The following NCAM2 variants were observed in gnomAD, a reference collection of about 807,000 sequenced individuals.
The protein encoded by NCAM2 is N-CAM-2.
Under a neutral mutation model 98.1 loss-of-function variants are expected in NCAM2, and 30 were observed. The ratio of observed to expected loss-of-function variants is 0.31; its 90% CI spans 0.23 to 0.41. NCAM2 has a LOEUF of 0.41. Among genes scored for constraint, NCAM2 ranks in the 10% least tolerant of loss-of-function variants. The pLI, the probability that NCAM2 is intolerant of heterozygous loss-of-function variation, is 1.00. For synonymous variants in NCAM2, 368 were observed against 342.4 expected (o/e 1.07, Z -0.83); for missense variants, 867 against 1,005.8 (o/e 0.86, Z 1.87).
chr21:21,272,321 T>A (rs1277697218), intron 1 of NCAM2, among the ~76,000 whole-genome samples: 1 of 152,150 alleles, frequency 6.6e-6, no homozygotes, highest in Non-Finnish European at 1.5e-5. Flanking sequence ...GTCACTAGTG[T>A]TGGACTGGTA....
chr21:21,221,092 GA>G (rs375385547), intron 1 of NCAM2, among the ~76,000 whole-genome samples: 64 of 152,184 alleles, frequency 4.2e-4, no homozygotes, highest in African/African-American at 1.4e-3. Flanking sequence ...AGTGATCTTT[GA>G]AGATAAAATT....
At chr21:21,245,287 A>G (rs1238565730) in intron 1 of NCAM2, among the ~76,000 whole-genome samples, 2 of 152,176 alleles carry the variant, frequency 1.3e-5, no homozygotes, top group African/African-American at 4.8e-5. Context: ...CAGATAATTA[A>G]TGGCTAACTC....
At chr21:21,397,488 C>G (rs1315991079) in intron 9 of NCAM2, among the ~76,000 whole-genome samples, 1 of 152,160 alleles carries the variant, frequency 6.6e-6, no homozygotes, top group Non-Finnish European at 1.5e-5. Flanking sequence ...TAGCAGGGGT[C>G]TGGTGTGTCA....
chr21:21,034,501 T>G (rs1467669434), intron 1 of NCAM2, among the ~76,000 whole-genome samples: 1 of 152,156 alleles, frequency 6.6e-6, no homozygotes, highest in Non-Finnish European at 1.5e-5. Context: ...CTGTAGTGAT[T>G]TCCACAGAGG....
chr21:21,325,785 G>C (rs772540359), intron 6 of NCAM2, among the ~76,000 whole-genome samples: 1 of 152,008 alleles, frequency 6.6e-6, no homozygotes, highest in Non-Finnish European at 1.5e-5. Context: ...TTATTTAACA[G>C]ATAAAGAAAG....
rs545242420 is a variant in NCAM2 at position 21,350,578 on chromosome 21, A to G, written c.1044+12044A>G. 2.6e-5 allele frequency among the ~76,000 whole-genome samples: 4 copies of G among 152,318 alleles called. No individual in the cohort carries two copies. In the East Asian group the frequency reaches 7.7e-4, roughly 29 times the overall value. On this transcript the variant is annotated intron_variant, in intron 8 of 17. Transcript: ENST00000400546. Reference sequence around the variant, plus strand: ...GATATTGAACTGTTGAACTGTGCATATGAATACAGCACAAAATAGCTTTGC... The same window carrying G: ...GATATTGAACTGTTGAACTGTGCATGTGAATACAGCACAAAATAGCTTTGC...
intron 9 of NCAM2, among the ~76,000 whole-genome samples, chr21:21,406,086 C>T (rs1041257319): frequency 1.3e-5 from 2 of 152,106 alleles, no homozygotes; most frequent in African/African-American, 2.4e-5. Context: ...TACCCTCATT[C>T]GTCAAACAGA....
chr21:21,456,943 GA>G, intron 12 of NCAM2, among the ~76,000 whole-genome samples: 1 of 152,266 alleles, frequency 6.6e-6, no homozygotes, highest in South Asian at 2.1e-4. Flanking sequence ...GGAACTGTGA[GA>G]AATTTCTCTT....
chr21:21,384,423 A>G (rs1040336376), intron 9 of NCAM2, among the ~76,000 whole-genome samples: 1 of 151,608 alleles, frequency 6.6e-6, no homozygotes, highest in Non-Finnish European at 1.5e-5. Flanking sequence ...TTCCTTTTTG[A>G]TTAATCTAGA....
At chr21:21,012,596 G>A (rs2146144532) in intron 1 of NCAM2, among the ~76,000 whole-genome samples, 1 of 152,218 alleles carries the variant, frequency 6.6e-6, no homozygotes, top group African/African-American at 2.4e-5. Context: ...CTTGTCTTCA[G>A]CAACTCAAAG....
rs189370961 is a variant in NCAM2 at position 21,020,009 on chromosome 21, T to C, written c.55+21391T>C. Among the ~76,000 whole-genome samples the C allele has an allele frequency of 3.9e-5, 6 of 152,086 alleles. No individual in the cohort carries two copies. The East Asian group carries it at 1.2e-3, about 29-fold the overall frequency. On this transcript the variant is annotated intron_variant, in intron 1 of 17. Coordinates refer to ENST00000400546, the MANE Select transcript of NCAM2 (RefSeq NM_004540.5). ...ATCCTGAATCCAGTACAAACTTCAG[T>C]TTCTTTTCTTTTTTCTTTTCCTATT...
At chr21:21,122,603 T>A (rs1466846823) in intron 1 of NCAM2, among the ~76,000 whole-genome samples, 1 of 152,210 alleles carries the variant, frequency 6.6e-6, no homozygotes, top group Non-Finnish European at 1.5e-5. Flanking sequence ...TGCTCAGCCA[T>A]CTCCAGTTAG....
At chr21:21,315,784 A>T (rs2074203086) in intron 5 of NCAM2, among the ~76,000 whole-genome samples, 2 of 152,178 alleles carry the variant, frequency 1.3e-5, no homozygotes, top group Non-Finnish European at 2.9e-5. Flanking sequence ...AAATTCTGTT[A>T]TATTTCTTAA....
At chr21:21,219,313 G>T (rs2070038868) in intron 1 of NCAM2, among the ~76,000 whole-genome samples, 1 of 152,078 alleles carries the variant, frequency 6.6e-6, no homozygotes, top group Admixed American at 6.5e-5. Context: ...TGCTTCAGCA[G>T]CAAATAGAAA....
chr21:21,030,977 G>T (rs1251814650), intron 1 of NCAM2, among the ~76,000 whole-genome samples: 1 of 152,114 alleles, frequency 6.6e-6, no homozygotes, highest in Admixed American at 6.6e-5. Context: ...AAGGGCTCAG[G>T]TGAATAGATA....
chr21:21,348,664 C>A (rs1295831174), intron 8 of NCAM2, among the ~76,000 whole-genome samples: 1 of 152,004 alleles, frequency 6.6e-6, no homozygotes, highest in Non-Finnish European at 1.5e-5. Context: ...CTGGACAAAT[C>A]ACATTACCTG....
At chr21:21,302,558 G>T (rs2073752371) in intron 5 of NCAM2, among the ~76,000 whole-genome samples, 1 of 152,038 alleles carries the variant, frequency 6.6e-6, no homozygotes, top group African/African-American at 2.4e-5. Flanking sequence ...ATGAGATACT[G>T]TCTCACACCA....
chr21:21,478,885 C>A (rs1228610542), intron 15 of NCAM2, among the ~76,000 whole-genome samples: 1 of 152,110 alleles, frequency 6.6e-6, no homozygotes, highest in African/African-American at 2.4e-5. Context: ...GATGCCCTTA[C>A]AAGATAACAC....
intron 9 of NCAM2, among the ~76,000 whole-genome samples, chr21:21,386,128 TTGAG>T (rs1463956344): frequency 6.6e-6 from 1 of 152,022 alleles, no homozygotes; most frequent in Non-Finnish European, 1.5e-5. Flanking sequence ...GTGTGCTTTA[TTGAG>T]TAATTCTTAT....
Sources: allele counts gnomAD v4.1 joint callset (sites outside exome capture counted in the v4.1 genomes callset), GRCh38; gene constraint gnomAD v4.1.1; transcripts MANE v1.5; gene names NCBI Gene and HGNC (gene_info 2026-07-23, HGNC 2026-07-21).